Variants in TMEM120B observed in about 807,000 individuals in gnomAD.
The protein encoded by TMEM120B is transmembrane protein 120B.
A neutral mutation model predicts 55.5 loss-of-function variants in TMEM120B; 31 were observed. That is an observed-to-expected ratio of 0.56 (90% CI 0.42 to 0.75). The LOEUF (loss-of-function observed/expected upper bound fraction) is 0.75. Among genes scored for constraint, TMEM120B ranks in the 30% least tolerant of loss-of-function variants. The probability of loss-of-function intolerance (pLI) is 0.00; values close to 1 mark genes in which losing one functional copy is unlikely to be tolerated. For synonymous variants in TMEM120B, 203 were observed against 176.3 expected (o/e 1.15, Z -1.20); for missense variants, 399 against 425.5 (o/e 0.94, Z 0.55).
At chr12:121,740,641 G>A (rs560454354) in intron 1 of TMEM120B, among the ~76,000 whole-genome samples, 76 of 152,232 alleles carry the variant, frequency 5.0e-4, no homozygotes, top group Admixed American at 1.8e-3. Context: ...AGGAGGAAGA[G>A]GAGGGCTTGG....
chr12:121,761,527 C>G, intron 5 of TMEM120B, 122 bp from the exon 6 acceptor site: 1 of 678,334 alleles, frequency 1.5e-6, no homozygotes, highest in Non-Finnish European at 2.6e-6. Context: ...ATAAGGGCTT[C>G]CAGAGGCAGC....
In TMEM120B at chr12:121,752,087, C is replaced by T. The variant is rs369828918; in HGVS notation, c.366-41C>T. 4.0e-5 allele frequency: 63 copies of T among 1,563,714 alleles called. No individual in the cohort carries two copies. In the Middle Eastern group the frequency reaches 5.0e-4, roughly 12 times the overall value. ...GGCCATGCCCAGGTGCTGGAATAGT[C>T]ATGGTAAGGGGCACACCCCTGGGCG... On this transcript the variant is annotated intron_variant, in intron 4 of 11. Transcript: ENST00000449592.
chr12:121,781,482 AC>A lies in TMEM120B; in HGVS notation c.*5763del, dbSNP rs559447280. ...CGAGACCCTGTCTCTTAACAACAAA[AC>A]CCATGAGCGGCAGCCCCCCAGTCCT... On this transcript the variant is annotated 3_prime_UTR_variant, in exon 12 of 12. Coordinates refer to ENST00000449592, the MANE Select transcript of TMEM120B (RefSeq NM_001080825.2). The A allele has an allele frequency of 1.5e-4, 52 of 343,970 alleles. No individual in the cohort carries two copies. The highest frequency in any genetic ancestry group is 2.8e-4 in the Non-Finnish European group (51 of 180,960). The allele number at this position is 343,970 out of a possible 1,614,324, so 21.3% of individuals were successfully genotyped here. A position where few individuals can be genotyped will look rare whatever the true frequency, so the allele number is the denominator to read the frequency against.
At chr12:121,726,035 C>CAG (rs2137012492) in intron 1 of TMEM120B, among the ~76,000 whole-genome samples, 1 of 126,734 alleles carries the variant, frequency 7.9e-6, no homozygotes, top group Admixed American at 8.5e-5. Context: ...GACTCTGTCT[C>CAG]AAAAAAAAAA....
Position 121,779,725 on chromosome 12 carries a change from G to C in TMEM120B, c.*4003G>C. ...CCTGGAGGTCTCCTAGCACCACCTG[G>C]TGGGTTTGGGACTGGCTCTGAGGAC... On this transcript the variant is annotated 3_prime_UTR_variant, in exon 12 of 12. Coordinates refer to ENST00000449592, the MANE Select transcript of TMEM120B (RefSeq NM_001080825.2). 1.9e-6 allele frequency: 3 copies of C among 1,578,538 alleles called. No homozygotes were observed. The highest frequency in any genetic ancestry group is 2.6e-6 in the Non-Finnish European group (3 of 1,155,406).
intron 1 of TMEM120B, among the ~76,000 whole-genome samples, chr12:121,740,044 G>A (rs987085132): frequency 6.6e-6 from 1 of 152,198 alleles, no homozygotes; most frequent in South Asian, 2.1e-4. Context: ...CTCCCAAAGT[G>A]TTGGGATTAC....
rs368771810 is a variant in TMEM120B, at chr12:121,779,252, G to A, written c.*3530G>A. ...GGGTGGCTGTGATGAGGGCACTTGC[G>A]AGTCCCGACAACAGACACTGGCTCC... is the stretch of plus-strand genomic sequence containing the variant. On this transcript the variant is annotated 3_prime_UTR_variant, in exon 12 of 12. Coordinates refer to ENST00000449592, the MANE Select transcript of TMEM120B (RefSeq NM_001080825.2). 2.4e-5 allele frequency: 13 copies of A among 548,184 alleles called. No homozygotes were observed. Among genetic ancestry groups the A allele is most frequent in the East Asian group, 2.1e-4 (7 of 33,280 alleles). 34.0% of individuals were successfully genotyped at this position (548,184 alleles called of 1,614,324 possible). A position where few individuals can be genotyped will look rare whatever the true frequency, so the allele number is the denominator to read the frequency against.
At chr12:121,749,934 A>G (rs1487869091) in intron 3 of TMEM120B, among the ~76,000 whole-genome samples, 1 of 151,424 alleles carries the variant, frequency 6.6e-6, no homozygotes, top group Admixed American at 6.6e-5. Context: ...AAAACACTGC[A>G]GTGAGCTATG....
chr12:121,722,100 C>CT (rs35866737), intron 1 of TMEM120B, among the ~76,000 whole-genome samples: 240 of 118,938 alleles, frequency 2.0e-3, no homozygotes, highest in Middle Eastern at 9.8e-3. Flanking sequence ...CACACCTGGC[C>CT]TTTTTTTTTT....
chr12:121,755,808 G>A (rs1423301517), intron 5 of TMEM120B, among the ~76,000 whole-genome samples: 1 of 152,186 alleles, frequency 6.6e-6, no homozygotes, highest in Non-Finnish European at 1.5e-5. Flanking sequence ...GGGTGAGGGA[G>A]CTGGGGTATT....
chr12:121,764,900 C>T (rs1425441525), intron 6 of TMEM120B, among the ~76,000 whole-genome samples: 2 of 152,094 alleles, frequency 1.3e-5, no homozygotes, highest in African/African-American at 4.8e-5. Context: ...TTAGCAGGAG[C>T]TGTTCAGAGT....
At chr12:121,774,556 C>A in intron 9 of TMEM120B, 102 bp from the exon 10 acceptor site, 1 of 1,159,874 alleles carries the variant, frequency 8.6e-7, no homozygotes. Context: ...CTGTCCCTGG[C>A]TCATCTTAGG....
intron 3 of TMEM120B, among the ~76,000 whole-genome samples, chr12:121,749,905 C>CAAAAAAAAA (rs112189031): frequency 1.3e-5 from 1 of 79,850 alleles, no homozygotes; most frequent in Non-Finnish European, 2.7e-5. Flanking sequence ...GACTCTGTCT[C>CAAAAAAAAA]AAAAAAAAAA....
Position 121,781,485 on chromosome 12 carries a change from C to T in TMEM120B, c.*5763C>T, listed in dbSNP as rs374089381. On this transcript the variant is annotated 3_prime_UTR_variant, in exon 12 of 12. Transcript: ENST00000449592. ...GACCCTGTCTCTTAACAACAAAACCCATGAGCGGCAGCCCCCCAGTCCTGG... is the reference window on the plus strand; with the variant it reads ...GACCCTGTCTCTTAACAACAAAACCTATGAGCGGCAGCCCCCCAGTCCTGG... The T allele has an allele frequency of 6.0e-5, 21 of 350,552 alleles. No homozygotes were observed. Among genetic ancestry groups the T allele is most frequent in the East Asian group, 5.3e-4 (8 of 14,984 alleles). 21.7% of individuals were successfully genotyped at this position (350,552 alleles called of 1,614,324 possible).
intron 1 of TMEM120B, among the ~76,000 whole-genome samples, chr12:121,726,535 C>T (rs1418475368): frequency 2.0e-5 from 3 of 148,852 alleles, no homozygotes; most frequent in Non-Finnish European, 3.0e-5. Context: ...GCCGAGATCG[C>T]GCTACTGCAC....
At chr12:121,721,836 T>G (rs1413429646) in intron 1 of TMEM120B, among the ~76,000 whole-genome samples, 2 of 118,522 alleles carry the variant, frequency 1.7e-5, no homozygotes, top group Non-Finnish European at 3.4e-5. Flanking sequence ...TGAGACAGCG[T>G]CTTGCTCTGT....
intron 7 of TMEM120B, 46 bp from the exon 8 acceptor site, chr12:121,771,442 A>G (rs745366846): frequency 6.5e-7 from 1 of 1,544,352 alleles, no homozygotes; most frequent in African/African-American, 1.4e-5. Flanking sequence ...GGAATGTCTC[A>G]TTTCATAGTG....
At chr12:121,723,102 C>T (rs750057126) in intron 1 of TMEM120B, among the ~76,000 whole-genome samples, 1 of 152,044 alleles carries the variant, frequency 6.6e-6, no homozygotes, top group Non-Finnish European at 1.5e-5. Context: ...CCTGCCTCGC[C>T]TCCCAAAGTG....
intron 6 of TMEM120B, among the ~76,000 whole-genome samples, chr12:121,769,142 T>TC (rs1566524979): frequency 1.2e-5 from 1 of 82,492 alleles, no homozygotes; most frequent in Non-Finnish European, 2.2e-5. Flanking sequence ...CAAGACTGTC[T>TC]CAAAAAAAAA....
Sources: allele counts gnomAD v4.1 joint callset (sites outside exome capture counted in the v4.1 genomes callset), GRCh38; gene constraint gnomAD v4.1.1; transcripts MANE v1.5; gene names NCBI Gene and HGNC (gene_info 2026-07-23, HGNC 2026-07-21).